Variants in CHN2 observed in about 807,000 individuals in gnomAD.
CHN2 encodes the protein beta-chimaerin.
A neutral mutation model predicts 56.3 loss-of-function variants in CHN2; 35 were observed. The observed-to-expected ratio is 0.62, with a 90% CI of 0.47 to 0.82. The LOEUF (loss-of-function observed/expected upper bound fraction) is 0.82. Ranked by LOEUF, CHN2 falls within the 40% of genes least tolerant of loss-of-function variation. The probability of loss-of-function intolerance (pLI) is 0.00; values close to 1 mark genes in which losing one functional copy is unlikely to be tolerated. For missense variants in CHN2, 491 were observed against 580.5 expected (o/e 0.85, Z 1.58); for synonymous variants, 210 against 212.8 (o/e 0.99, Z 0.12).
In CHN2 at chr7:29,286,500, G is replaced by T. The variant is rs182238417; in HGVS notation, c.50-68125G>T. 1.7e-4 allele frequency among the ~76,000 whole-genome samples: 26 copies of T among 152,252 alleles called. No homozygotes were observed. The East Asian group carries it at 2.9e-3, about 17-fold the overall frequency. Reference sequence around the variant, plus strand: ...GGCTGTGTTTACCTCTGAGGTTTCCGTGGGGCAGGGGCGAAGCCAGCGTCT... The same window carrying T: ...GGCTGTGTTTACCTCTGAGGTTTCCTTGGGGCAGGGGCGAAGCCAGCGTCT... On this transcript the variant is annotated intron_variant, in intron 1 of 12. Coordinates refer to ENST00000222792, the MANE Select transcript of CHN2 (RefSeq NM_004067.4).
intron 3 of CHN2, among the ~76,000 whole-genome samples, chr7:29,375,430 A>G (rs1164591149): frequency 6.6e-6 from 1 of 151,842 alleles, no homozygotes; most frequent in Non-Finnish European, 1.5e-5. Context: ...TCCTGACCTC[A>G]AGTGATCCAC....
intron 11 of CHN2, 141 bp downstream of exon 11, chr7:29,507,506 C>T: frequency 1.5e-6 from 1 of 665,352 alleles, no homozygotes; most frequent in Non-Finnish European, 2.5e-6. Context: ...CAATAAATAG[C>T]TGACCAGGCA....
intron 1 of CHN2, among the ~76,000 whole-genome samples, chr7:29,211,222 C>T (rs1382403792): frequency 6.6e-6 from 1 of 151,690 alleles, no homozygotes; most frequent in African/African-American, 2.4e-5. Flanking sequence ...AGGCGCCTGC[C>T]ACCATGCCCA....
chr7:29,303,805 A>G (rs1265459799), intron 1 of CHN2, among the ~76,000 whole-genome samples: 1 of 152,186 alleles, frequency 6.6e-6, no homozygotes, highest in Non-Finnish European at 1.5e-5. Context: ...CACGCTTGTA[A>G]TCCCAGCACT....
intron 6 of CHN2, among the ~76,000 whole-genome samples, chr7:29,472,305 A>G (rs1259835214): frequency 6.6e-6 from 1 of 151,242 alleles, no homozygotes; most frequent in Admixed American, 6.6e-5. Context: ...ACACGCACAC[A>G]CACACATTAG....
rs562038684 is a variant in CHN2, at chr7:29,486,986, C to G, written c.654+6630C>G. Among the ~76,000 whole-genome samples the G allele has an allele frequency of 1.2e-3, 181 of 152,342 alleles. 1 individual carries two copies. Among genetic ancestry groups the G allele is most frequent in the African/African-American group, 4.1e-3 (169 of 41,572 alleles). On this transcript the variant is annotated intron_variant, in intron 7 of 12. Coordinates refer to ENST00000222792, the MANE Select transcript of CHN2 (RefSeq NM_004067.4). Reference sequence around the variant, plus strand: ...TTGCTTCCCGCATGCAAGCCCCTCTCTCTTCCTCTTCCCCCTTGACCTCAT... The same window carrying G: ...TTGCTTCCCGCATGCAAGCCCCTCTGTCTTCCTCTTCCCCCTTGACCTCAT...
intron 2 of CHN2, among the ~76,000 whole-genome samples, chr7:29,169,874 G>A (rs1460544254): frequency 2.0e-5 from 3 of 147,034 alleles, no homozygotes; most frequent in African/African-American, 7.8e-5. Context: ...GTGTGTGTGT[G>A]TGTGTGTATA....
At chr7:29,433,657 CG>C (rs1183820875) in intron 6 of CHN2, among the ~76,000 whole-genome samples, 5 of 151,772 alleles carry the variant, frequency 3.3e-5, no homozygotes, top group Non-Finnish European at 7.4e-5. Flanking sequence ...GACAACATGG[CG>C]AAACCCCGTC....
chr7:29,266,884 C>A (rs1790190312), intron 1 of CHN2, among the ~76,000 whole-genome samples: 1 of 152,218 alleles, frequency 6.6e-6, no homozygotes, highest in Non-Finnish European at 1.5e-5. Flanking sequence ...TAGCCAGAAA[C>A]CTAGGCTGGG....
chr7:29,165,465 T>G (rs1002349241), intron 2 of CHN2, among the ~76,000 whole-genome samples: 3 of 152,232 alleles, frequency 2.0e-5, no homozygotes, highest in Non-Finnish European at 4.4e-5. Flanking sequence ...CTATACTGGT[T>G]CAAAGAATTT....
At chr7:29,414,194 G>C (rs1376354165) in intron 6 of CHN2, among the ~76,000 whole-genome samples, 1 of 152,156 alleles carries the variant, frequency 6.6e-6, no homozygotes, top group Non-Finnish European at 1.5e-5. Flanking sequence ...AGAGGAAACT[G>C]AAATTGATGT....
intron 6 of CHN2, among the ~76,000 whole-genome samples, chr7:29,422,752 A>G (rs978074635): frequency 3.3e-5 from 5 of 152,218 alleles, no homozygotes; most frequent in African/African-American, 7.2e-5. Context: ...TCTTTTTCAT[A>G]GGACTTCTCG....
At chr7:29,230,351 T>C (rs1220635495) in intron 1 of CHN2, among the ~76,000 whole-genome samples, 2 of 152,044 alleles carry the variant, frequency 1.3e-5, no homozygotes, top group African/African-American at 2.4e-5. Context: ...TTCCTCTTTC[T>C]TTTTTTTGAG....
intron 6 of CHN2, among the ~76,000 whole-genome samples, chr7:29,454,404 A>G (rs1160317201): frequency 6.6e-6 from 1 of 152,216 alleles, no homozygotes; most frequent in Non-Finnish European, 1.5e-5. Context: ...TGGAAATAAA[A>G]CTGGAGATGG....
intron 1 of CHN2, among the ~76,000 whole-genome samples, chr7:29,245,469 T>A (rs1176091986): frequency 2.0e-5 from 3 of 152,098 alleles, no homozygotes; most frequent in Admixed American, 6.5e-5. Context: ...CAAGTAAGAG[T>A]AAGAAATAGT....
intron 1 of CHN2, among the ~76,000 whole-genome samples, chr7:29,308,192 G>T (rs757651256): frequency 6.6e-6 from 1 of 151,886 alleles, no homozygotes; most frequent in African/African-American, 2.4e-5. Context: ...CTTATGTTAC[G>T]CTGCACTCTC....
At chr7:29,220,280 A>AAAGAGAG (rs1554366787) in intron 1 of CHN2, among the ~76,000 whole-genome samples, 1 of 138,136 alleles carries the variant, frequency 7.2e-6, no homozygotes, top group Non-Finnish European at 1.5e-5. Context: ...AAAAAAAAAA[A>AAAGAGAG]AGAGAGAGAG....
chr7:29,195,373 C>T lies in CHN2; in HGVS notation c.49+383C>T, dbSNP rs144984623. 310 of 226,702 alleles carry T rather than the reference C, an allele frequency of 1.4e-3. 1 individual carries two copies. The highest frequency in any genetic ancestry group is 6.8e-3 in the African/African-American group (296 of 43,788). 14.0% of individuals were successfully genotyped at this position (226,702 alleles called of 1,614,324 possible). ...GCGCCCCGACCTGTTTGCCGTGCCG[C>T]GCCCGCTACCCTGGACACCCAAATC... On this transcript the variant is annotated intron_variant, in intron 1 of 12. Transcript: ENST00000222792.
chr7:29,343,915 C>T (rs1301585237), intron 1 of CHN2, among the ~76,000 whole-genome samples: 2 of 152,216 alleles, frequency 1.3e-5, no homozygotes, highest in African/African-American at 4.8e-5. Context: ...CCTCAGCCAT[C>T]GCTTTCCAGC....
Sources: gnomAD v4.1 joint callset for allele counts (sites outside exome capture counted in the v4.1 genomes callset) on GRCh38, gnomAD v4.1.1 for gene constraint, MANE v1.5 for transcripts, NCBI Gene and HGNC (gene_info 2026-07-23, HGNC 2026-07-21) for gene names.